TARDBP: variants seen among roughly 807,000 people sequenced by gnomAD.
TARDBP encodes the protein TAR DNA-binding protein 43.
In TARDBP, 4 loss-of-function variants were observed where a neutral mutation model predicts 38.3. The ratio of observed to expected loss-of-function variants is 0.10; its 90% confidence interval spans 0.05 to 0.24. The LOEUF is 0.24. TARDBP is among the 10% of genes least tolerant of loss of function. The pLI, the probability that TARDBP is intolerant of heterozygous loss-of-function variation, is 1.00. For synonymous variants in TARDBP, 184 were observed against 183.8 expected (o/e 1.00, Z -0.01); for missense variants, 202 against 521.9 (o/e 0.39, Z 5.97).
Position 11,025,289 on chromosome 1 carries a change from C to T in TARDBP, c.*2635C>T, listed in dbSNP as rs1455889017. On this transcript the variant is annotated 3_prime_UTR_variant, in exon 6 of 6. Transcript: ENST00000240185. ...TCAGTTACTGGTCATAGAAGGCTTT[C>T]AATGTTGAGTGGCCTTTTATTAACA... is the stretch of plus-strand genomic sequence containing the variant. 1 of 152,502 alleles carries T rather than the reference C, an allele frequency of 6.6e-6. No homozygotes were observed. The highest frequency in any genetic ancestry group is 1.5e-5 in the Non-Finnish European group (1 of 68,026). 9.4% of individuals were successfully genotyped at this position (152,502 alleles called of 1,614,324 possible).
chr1:11,020,185 C>T (rs572743968), intron 4 of TARDBP, among the ~76,000 whole-genome samples: 6 of 152,226 alleles, frequency 3.9e-5, no homozygotes, highest in African/African-American at 1.2e-4. Flanking sequence ...TGTAATGGCT[C>T]ATGATGTATT....
At chr1:11,018,255 G>C (rs6698075) in intron 3 of TARDBP, 166,060 of 203,946 alleles carry the variant, frequency 0.81, 67,822 homozygotes, top group East Asian at 0.86. Context: ...GTGGTGCAAT[G>C]TAGGCTCGCT....
chr1:11,018,590 T>C (rs1414891162), intron 3 of TARDBP, 143 bp from the exon 4 acceptor site: 24 of 1,079,930 alleles, frequency 2.2e-5, no homozygotes, highest in Non-Finnish European at 3.4e-5. Flanking sequence ...TCCTTGTTTT[T>C]ACTGTTAAGA....
At chr1:11,030,336 A>C (rs372167541), downstream of TARDBP, 144 of 907,632 alleles carry the variant, frequency 1.6e-4, no homozygotes, top group African/African-American at 2.1e-3. Context: ...AAAAATGTTG[A>C]TTCTTGAGCA....
rs7514132 is a variant in TARDBP at position 11,023,665 on chromosome 1, T to C, written c.*1011T>C. 4.9e-6 allele frequency: 1 copy of C among 203,772 alleles called. No individual in the cohort carries two copies. The highest frequency in any genetic ancestry group is 2.3e-5 in the African/African-American group (1 of 43,320). The allele number at this position is 203,772 out of a possible 1,614,324, so 12.6% of individuals were successfully genotyped here. ...ACATCCACATCTGTTGGAAGACTTT[T>C]AAGTGAGTTTTTGTTCTTAGATAAC... On this transcript the variant is annotated 3_prime_UTR_variant, in exon 6 of 6. Transcript: ENST00000240185.
chr1:11,018,695 T>G, intron 3 of TARDBP, 38 bp from the exon 4 acceptor site: 1 of 1,613,988 alleles, frequency 6.2e-7, no homozygotes, highest in Non-Finnish European at 8.5e-7. Flanking sequence ...TGTGTGAGTA[T>G]GTGCACTTTT....
At position 11,022,739 on chromosome 1, in the gene TARDBP, T is replaced by C; in HGVS notation, c.*85T>C. The C allele has an allele frequency of 3.3e-6, 5 of 1,520,092 alleles. No homozygotes were observed. Among genetic ancestry groups the C allele is most frequent in the Admixed American group, 2.2e-5 (1 of 45,004 alleles). 94.2% of individuals were successfully genotyped at this position (1,520,092 alleles called of 1,614,324 possible). On this transcript the variant is annotated 3_prime_UTR_variant, in exon 6 of 6. Transcript: ENST00000240185. The surrounding 1 kb of genome is among the most constrained non-coding windows in gnomAD (Gnocchi z 4.5). ...TGGTAAGTATATTGTAAAATACATA[T>C]GTACTAAGAATTTTCAAAATTGGTT...
Position 11,013,770 on chromosome 1 carries a change from C to T in TARDBP, c.43C>T (p.Pro15Ser). Residue 15 changes from proline (P) to serine (S), a missense_variant, in exon 2 of 6, where the codon CCC becomes TCC. Pro to Ser is a moderately conservative substitution (Grantham distance 74). Coordinates refer to ENST00000240185, the MANE Select transcript of TARDBP (RefSeq NM_007375.4). ...GGTAACCGAAGATGAGAACGATGAGCCCATTGAAATACCATCGGAAGACGA... is the reference window on the plus strand; with the variant it reads ...GGTAACCGAAGATGAGAACGATGAGTCCATTGAAATACCATCGGAAGACGA... ...IRVTEDENDE[P>S]IEIPSEDDGT... The T allele has an allele frequency of 6.2e-7, 1 of 1,613,246 alleles. No individual in the cohort carries two copies. Among genetic ancestry groups the T allele is most frequent in the Non-Finnish European group, 8.5e-7 (1 of 1,179,530 alleles).
downstream of TARDBP, chr1:11,025,968 T>C (rs1643725611): frequency 6.5e-6 from 1 of 154,858 alleles, no homozygotes; most frequent in Non-Finnish European, 1.5e-5. Context: ...GGCATCACTG[T>C]GCCCAAGTAT....
downstream of TARDBP, chr1:11,027,647 A>C: frequency 6.3e-7 from 1 of 1,593,820 alleles, no homozygotes; most frequent in Non-Finnish European, 8.5e-7. Flanking sequence ...ATAGTCCACA[A>C]ACTGGAGAAA....
At position 11,022,792 on chromosome 1, in the gene TARDBP, A is replaced by AT; in HGVS notation, c.*143dup. The AT allele has an allele frequency of 7.1e-7, 1 of 1,414,400 alleles. No homozygotes were observed. The highest frequency in any genetic ancestry group is 9.2e-7 in the Non-Finnish European group (1 of 1,082,670). 87.6% of individuals were successfully genotyped at this position (1,414,400 alleles called of 1,614,324 possible). A position where few individuals can be genotyped will look rare whatever the true frequency, so the allele number is the denominator to read the frequency against. On this transcript the variant is annotated 3_prime_UTR_variant, in exon 6 of 6. Transcript: ENST00000240185. The surrounding 1 kb of genome is among the most constrained non-coding windows in gnomAD (Gnocchi z 4.5). ...TTCAGTGTGGAGTATATTCAGCAGT[A>AT]TTTTTGACATTTTTCTTTAGAAAAA...
Position 11,022,483 on chromosome 1 carries a change from C to T in TARDBP, c.1074C>T (p.Asn358=). ...CGGGTAATAACCAAAACCAAGGCAA[C>T]ATGCAGAGGGAGCCAAACCAGGCCT... ...GPSGNNQNQG[N]MQREPNQAFG... The change falls in exon 6 of 6, where the codon AAC becomes AAT. Residue 358 remains asparagine (N), a synonymous_variant. Transcript: ENST00000240185. This position sits in a 1 kb window ranked among gnomAD's most constrained non-coding sequence, Gnocchi z 4.5. 1 of 1,606,580 alleles carries T rather than the reference C, an allele frequency of 6.2e-7. No homozygotes were observed. The highest frequency in any genetic ancestry group is 8.5e-7 in the Non-Finnish European group (1 of 1,174,142).
rs1643463343 is a variant in TARDBP, at chr1:11,013,805, G to A, written c.78G>A (p.Val26=). 1.2e-6 allele frequency: 2 copies of A among 1,613,988 alleles called. No homozygotes were observed. Among genetic ancestry groups the A allele is most frequent in the African/African-American group, 2.7e-5 (2 of 75,064 alleles). Residue 26 remains valine (V), a synonymous_variant, in exon 2 of 6, where the codon GTG becomes GTA. Coordinates refer to ENST00000240185, the MANE Select transcript of TARDBP (RefSeq NM_007375.4). ...IEIPSEDDGT[V]LLSTVTAQFP... ...TACCATCGGAAGACGATGGGACGGTGCTGCTCTCCACGGTTACAGCCCAGT... is the reference window on the plus strand; with the variant it reads ...TACCATCGGAAGACGATGGGACGGTACTGCTCTCCACGGTTACAGCCCAGT...
intron 1 of TARDBP, among the ~76,000 whole-genome samples, chr1:11,012,987 G>A (rs1336547552): frequency 6.6e-6 from 1 of 152,226 alleles, no homozygotes; most frequent in Non-Finnish European, 1.5e-5. Flanking sequence ...GGTTGGCCCC[G>A]GACCCGGACA....
chr1:11,029,439 G>A (rs942658961), downstream of TARDBP, among the ~76,000 whole-genome samples: 2 of 151,188 alleles, frequency 1.3e-5, no homozygotes, highest in Non-Finnish European at 2.9e-5. Flanking sequence ...TATTATCTTT[G>A]GAGCCAATTC....
Position 11,022,963 on chromosome 1 carries a change from G to C in TARDBP, c.*309G>C, listed in dbSNP as rs1643670076. On this transcript the variant is annotated 3_prime_UTR_variant, in exon 6 of 6. Coordinates refer to ENST00000240185, the MANE Select transcript of TARDBP (RefSeq NM_007375.4). This position sits in a 1 kb window ranked among gnomAD's most constrained non-coding sequence, Gnocchi z 4.5. The stretch of plus-strand genomic sequence containing the variant: ...TTTCTCCTGTAATATTTTATCCCTG[G>C]ACTTGTCAAGTGAATTCTTTGCATG... 2 of 1,384,484 alleles carry C rather than the reference G, an allele frequency of 1.4e-6. No homozygotes were observed. The highest frequency in any genetic ancestry group is 1.9e-6 in the Non-Finnish European group (2 of 1,068,610). The allele number at this position is 1,384,484 out of a possible 1,614,324, so 85.8% of individuals were successfully genotyped here.
chr1:11,013,981 G>T lies in TARDBP; in HGVS notation c.238+16G>T. 1 of 1,613,516 alleles carries T rather than the reference G, an allele frequency of 6.2e-7. No homozygotes were observed. On this transcript the variant is annotated intron_variant, in intron 2 of 5. Transcript: ENST00000240185. ...TATCCAAAAGGTTTGTTACCATTTG[G>T]TTTTTGTAATCATGCTGAAGTGTGT...
intron 3 of TARDBP, 120 bp from the exon 4 acceptor site, chr1:11,018,613 A>G: frequency 1.4e-6 from 2 of 1,401,048 alleles, no homozygotes. Flanking sequence ...AACTTGGTTT[A>G]AGTTTTAAGC....
At chr1:11,014,938 A>C (rs892041070) in intron 2 of TARDBP, among the ~76,000 whole-genome samples, 2 of 70,328 alleles carry the variant, frequency 2.8e-5, no homozygotes, top group African/African-American at 5.7e-5. Flanking sequence ...CTCCGTCTCA[A>C]AACAAAAAAA....
Sources: gnomAD v4.1 joint callset for allele counts (sites outside exome capture counted in the v4.1 genomes callset) on GRCh38, gnomAD v4.1.1 for gene constraint, Gnocchi (gnomAD v3.1) non-coding constraint, MANE v1.5 for transcripts, NCBI Gene and HGNC (gene_info 2026-07-23, HGNC 2026-07-21) for gene names.